The following ARRB1 variants were observed in gnomAD, a reference collection of about 807,000 sequenced individuals.
ARRB1 encodes the protein beta-arrestin-1.
A neutral mutation model predicts 56.8 loss-of-function variants in ARRB1; 21 were observed. That is an observed-to-expected ratio of 0.37 (90% CI 0.26 to 0.53). The LOEUF (loss-of-function observed/expected upper bound fraction) is 0.53, where lower values mean the gene tolerates loss of function less well. ARRB1 is among the 20% of genes least tolerant of loss of function. The probability of loss-of-function intolerance (pLI) is 0.88; values close to 1 mark genes in which losing one functional copy is unlikely to be tolerated. For synonymous variants in ARRB1, 210 were observed against 218.6 expected (o/e 0.96, Z 0.35); for missense variants, 424 against 553.7 (o/e 0.77, Z 2.35).
At chr11:75,269,420 T>G (rs1243800658) in intron 13 of ARRB1, among the ~76,000 whole-genome samples, 1 of 152,010 alleles carries the variant, frequency 6.6e-6, no homozygotes, top group African/African-American at 2.4e-5. Context: ...TCCAGGGTGC[T>G]CTTGTAAAAG....
At chr11:75,309,023 G>A (rs573015891) in intron 1 of ARRB1, among the ~76,000 whole-genome samples, 3 of 152,404 alleles carry the variant, frequency 2.0e-5, no homozygotes, top group African/African-American at 7.2e-5. Flanking sequence ...ATTGGAAACT[G>A]GAGGCTAGGG....
At position 75,266,161 on chromosome 11, in the gene ARRB1, GTCTA is replaced by G; in HGVS notation, c.1255_*1del. On this transcript the variant is annotated stop_lost and 3_prime_UTR_variant, in exon 16 of 16. Transcript: ENST00000420843. ...AGCCACGTGGAGGCAGGGCCGGCCC[GTCTA>G]TCTGTTGTTGAGCTGTGGAGAGCCG... 6.2e-7 allele frequency: 1 copy of G among 1,613,464 alleles called. No homozygotes were observed. Among genetic ancestry groups the G allele is most frequent in the Non-Finnish European group, 8.5e-7 (1 of 1,179,370 alleles).
intron 1 of ARRB1, among the ~76,000 whole-genome samples, chr11:75,315,747 G>C (rs552442960): frequency 1.6e-4 from 25 of 152,268 alleles, no homozygotes; most frequent in African/African-American, 5.5e-4. Context: ...GTCACGGCTG[G>C]ATACTTAGGC....
chr11:75,266,122 G>A lies in ARRB1; in HGVS notation c.*41C>T, dbSNP rs771450931. 1.2e-5 allele frequency: 18 copies of A among 1,483,670 alleles called. No homozygotes were observed. The highest frequency in any genetic ancestry group is 1.4e-5 in the Non-Finnish European group (15 of 1,061,446). The allele number at this position is 1,483,670 out of a possible 1,614,324, so 91.9% of individuals were successfully genotyped here. A position where few individuals can be genotyped will look rare whatever the true frequency, so the allele number is the denominator to read the frequency against. ...AAGACGAGTAAGCATCCGAGTGCAC[G>A]AGAGTGGAGCCGGAGCCACGTGGAG... On this transcript the variant is annotated 3_prime_UTR_variant, in exon 16 of 16. Coordinates refer to ENST00000420843, the MANE Select transcript of ARRB1 (RefSeq NM_004041.5).
At chr11:75,267,181 C>A (rs1454301585) in intron 15 of ARRB1, among the ~76,000 whole-genome samples, 1 of 152,220 alleles carries the variant, frequency 6.6e-6, no homozygotes, top group African/African-American at 2.4e-5. Context: ...CCCAGGTCCT[C>A]CCCCTCTGGC....
At chr11:75,293,885 C>T (rs1359144618) in intron 1 of ARRB1, among the ~76,000 whole-genome samples, 7 of 152,188 alleles carry the variant, frequency 4.6e-5, no homozygotes, top group Non-Finnish European at 7.3e-5. Context: ...CATTTTCCCC[C>T]GGTTGCACTG....
At chr11:75,347,378 T>G (rs898252351) in intron 1 of ARRB1, among the ~76,000 whole-genome samples, 2 of 152,022 alleles carry the variant, frequency 1.3e-5, no homozygotes, top group Non-Finnish European at 2.9e-5. Flanking sequence ...CACAGAGAGC[T>G]GGTGATTACA....
chr11:75,345,470 G>GAAGGGC lies in ARRB1; in HGVS notation c.20+6117_20+6118insGCCCTT, dbSNP rs541721120. The stretch of plus-strand genomic sequence containing the variant: ...GTCCACATAGGAGGGAAGAACACAG[G>GAAGGGC]GTGCCCAGGGACCATCTGAGACGAT... On this transcript the variant is annotated intron_variant, in intron 1 of 15. Transcript: ENST00000420843. Among the ~76,000 whole-genome samples, 105 of 152,216 alleles carry GAAGGGC rather than the reference G, an allele frequency of 6.9e-4. No homozygotes were observed. In the South Asian group the frequency reaches 0.02, roughly 29 times the overall value.
chr11:75,321,330 AG>A (rs1947347238), intron 1 of ARRB1, among the ~76,000 whole-genome samples: 1 of 134,044 alleles, frequency 7.5e-6, no homozygotes, highest in South Asian at 2.5e-4. Flanking sequence ...TGAGCCTGGG[AG>A]GCAGAAGCTG....
At chr11:75,306,533 A>G in intron 1 of ARRB1, 1 of 1,147,468 alleles carries the variant, frequency 8.7e-7, no homozygotes, top group Non-Finnish European at 1.2e-6. Flanking sequence ...CTTCCTGGTG[A>G]GTCAGATAGA....
chr11:75,312,111 C>T lies in ARRB1; in HGVS notation c.21-22072G>A, dbSNP rs535509698. On this transcript the variant is annotated intron_variant, in intron 1 of 15. Coordinates refer to ENST00000420843, the MANE Select transcript of ARRB1 (RefSeq NM_004041.5). The stretch of plus-strand genomic sequence containing the variant: ...CCTTCCATGGCCTCTCCTCTCCCAT[C>T]TCTTGCAGTGGCTGCTGCTGGCCTC... 9 of 1,289,650 alleles carry T rather than the reference C, an allele frequency of 7.0e-6. No homozygotes were observed. The South Asian group carries it at 9.9e-5, about 14-fold the overall frequency. The allele number at this position is 1,289,650 out of a possible 1,614,324, so 79.9% of individuals were successfully genotyped here.
chr11:75,323,339 C>G (rs1947377710), intron 1 of ARRB1, among the ~76,000 whole-genome samples: 1 of 152,206 alleles, frequency 6.6e-6, no homozygotes, highest in Non-Finnish European at 1.5e-5. Flanking sequence ...CCTAGAGGGG[C>G]CGGGCGTGGT....
In ARRB1 at chr11:75,283,388, G is replaced by C. The variant is rs1946393416; in HGVS notation, c.253C>G (p.Gln85Glu). The C allele has an allele frequency of 1.9e-6, 3 of 1,614,194 alleles. No individual in the cohort carries two copies. The highest frequency in any genetic ancestry group is 2.5e-6 in the Non-Finnish European group (3 of 1,180,000). Residue 85 changes from glutamine to glutamate, a missense_variant, in exon 5 of 16, where the codon CAG becomes GAG. Gln to Glu is a conservative substitution (Grantham distance 29). Transcript: ENST00000420843. ...TCCTCGGGGGCCGGTGGGAACGACT[G>C]TACGTTGGCCACAAACAGGTCCTTG... is the stretch of plus-strand genomic sequence containing the variant. Reference protein sequence around the residue: ...FRKDLFVANVQSFPPAPEDKK... With the variant: ...FRKDLFVANVESFPPAPEDKK...
chr11:75,326,477 T>C (rs1001219325), intron 1 of ARRB1, among the ~76,000 whole-genome samples: 2 of 152,184 alleles, frequency 1.3e-5, no homozygotes, highest in Non-Finnish European at 1.5e-5. Context: ...AATTTTGTTA[T>C]TCCTCTTTTA....
At chr11:75,332,731 C>T (rs1394407725) in intron 1 of ARRB1, among the ~76,000 whole-genome samples, 2 of 152,154 alleles carry the variant, frequency 1.3e-5, no homozygotes, top group Non-Finnish European at 2.9e-5. Flanking sequence ...CCCGTCTCAA[C>T]TAAAAATACA....
intron 1 of ARRB1, chr11:75,306,734 C>A: frequency 8.4e-7 from 1 of 1,188,566 alleles, no homozygotes; most frequent in Non-Finnish European, 1.1e-6. Flanking sequence ...GGGTTAGTTA[C>A]AAAGAAAAGG....
At chr11:75,326,409 T>C (rs1947433883) in intron 1 of ARRB1, among the ~76,000 whole-genome samples, 1 of 152,250 alleles carries the variant, frequency 6.6e-6, no homozygotes, top group Non-Finnish European at 1.5e-5. Flanking sequence ...TTAACTCATT[T>C]AATCCTAATG....
At chr11:75,271,540 TA>T in intron 13 of ARRB1, 160 bp downstream of exon 13, 1 of 726,214 alleles carries the variant, frequency 1.4e-6, no homozygotes, top group East Asian at 3.1e-5. Context: ...TGAGGTTTGT[TA>T]AGGAGAAATT....
At chr11:75,296,094 G>A (rs149629147) in intron 1 of ARRB1, among the ~76,000 whole-genome samples, 2 of 145,314 alleles carry the variant, frequency 1.4e-5, no homozygotes, top group East Asian at 4.2e-4. Context: ...GCTGAGGCAT[G>A]AGAATTACTT....
Sources: gnomAD v4.1 joint callset for allele counts (sites outside exome capture counted in the v4.1 genomes callset) on GRCh38, gnomAD v4.1.1 for gene constraint, MANE v1.5 for transcripts, NCBI Gene and HGNC (gene_info 2026-07-23, HGNC 2026-07-21) for gene names.